GALNT13: variants seen among roughly 807,000 people sequenced by gnomAD.
GALNT13 encodes the protein polypeptide N-acetylgalactosaminyltransferase 13.
Under a neutral mutation model 64.2 loss-of-function variants are expected in GALNT13, and 28 were observed. The observed-to-expected ratio is 0.44, with a 90% CI of 0.32 to 0.60. The LOEUF (loss-of-function observed/expected upper bound fraction) is 0.60. Among genes scored for constraint, GALNT13 ranks in the 20% least tolerant of loss-of-function variants. The pLI, the probability that GALNT13 is intolerant of heterozygous loss-of-function variation, is 0.05. For missense variants in GALNT13, 577 were observed against 669.8 expected, an observed-to-expected ratio of 0.86 and a Z score of 1.53; for synonymous variants, 214 against 224.6, an observed-to-expected ratio of 0.95 and a Z score of 0.42.
the GALNT13 span, among the ~76,000 whole-genome samples, chr2:153,345,670 T>TCTTTCTTTCTTTCTTC: frequency 6.9e-6 from 1 of 143,898 alleles, no homozygotes. Context: ...TTTCTTTCTT[T>TCTTTCTTTCTTTCTTC]CTTTCTTTCT....
chr2:153,922,958 G>A (rs1241139961), intron 2 of GALNT13, among the ~76,000 whole-genome samples: 1 of 151,580 alleles, frequency 6.6e-6, no homozygotes, highest in South Asian at 2.1e-4. Context: ...GGAGTGCAGC[G>A]GTGTGATCTG....
the GALNT13 span, among the ~76,000 whole-genome samples, chr2:153,352,091 T>C: frequency 6.6e-6 from 1 of 152,160 alleles, no homozygotes; most frequent in Non-Finnish European, 1.5e-5. Context: ...GAATGAGAGT[T>C]CCTGTTGTTC....
the GALNT13 span, among the ~76,000 whole-genome samples, chr2:153,707,771 G>T: frequency 6.6e-6 from 1 of 152,148 alleles, no homozygotes; most frequent in Non-Finnish European, 1.5e-5. Flanking sequence ...ATATCCATGA[G>T]TAAAACCTGG....
intron 9 of GALNT13, among the ~76,000 whole-genome samples, chr2:154,315,374 G>A (rs76016399): frequency 0.032 from 4,817 of 152,250 alleles, 264 homozygotes; most frequent in African/African-American, 0.11. Context: ...GATCCAAGCT[G>A]GGATGAAAAG....
the GALNT13 span, among the ~76,000 whole-genome samples, chr2:153,320,775 C>T: frequency 1.3e-5 from 2 of 152,224 alleles, no homozygotes; most frequent in African/African-American, 2.4e-5. Context: ...ATAAAGTTCA[C>T]CTTAATATCT....
At chr2:154,375,745 C>G (rs907919752) in intron 9 of GALNT13, among the ~76,000 whole-genome samples, 1 of 152,140 alleles carries the variant, frequency 6.6e-6, no homozygotes, top group African/African-American at 2.4e-5. Flanking sequence ...CTGATACGCT[C>G]TTAGGAGAGG....
chr2:153,720,862 A>G, the GALNT13 span, among the ~76,000 whole-genome samples: 1 of 151,082 alleles, frequency 6.6e-6, no homozygotes, highest in Admixed American at 6.6e-5. Flanking sequence ...GATGGGGAGA[A>G]TGGAACCAAG....
intron 9 of GALNT13, among the ~76,000 whole-genome samples, chr2:154,386,894 C>A (rs1401495505): frequency 6.6e-6 from 1 of 152,052 alleles, no homozygotes; most frequent in Admixed American, 6.6e-5. Context: ...AGCCTCAAGA[C>A]CTGCTGTAAC....
chr2:153,480,696 T>C, the GALNT13 span, among the ~76,000 whole-genome samples: 1 of 152,132 alleles, frequency 6.6e-6, no homozygotes, highest in African/African-American at 2.4e-5. Context: ...TAAGGCAATA[T>C]AAAGTCATCC....
At chr2:154,037,394 G>A (rs569804483) in intron 3 of GALNT13, among the ~76,000 whole-genome samples, 4 of 152,104 alleles carry the variant, frequency 2.6e-5, no homozygotes, top group African/African-American at 4.8e-5. Flanking sequence ...GCTAACATGG[G>A]TTTCCCATAC....
At chr2:153,978,579 G>A (rs1574252624) in intron 3 of GALNT13, among the ~76,000 whole-genome samples, 1 of 152,040 alleles carries the variant, frequency 6.6e-6, no homozygotes, top group African/African-American at 2.4e-5. Flanking sequence ...GGTTTATCAG[G>A]GGTTTCTGCT....
the GALNT13 span, among the ~76,000 whole-genome samples, chr2:153,720,686 C>A: frequency 1.9e-4 from 28 of 150,898 alleles, no homozygotes; most frequent in Admixed American, 7.3e-4. Context: ...GGAGCCGATG[C>A]GATCAACTGG....
At chr2:153,719,765 C>T in the GALNT13 span, among the ~76,000 whole-genome samples, 58 of 151,794 alleles carry the variant, frequency 3.8e-4, no homozygotes, top group South Asian at 8.4e-4. Context: ...GCTTAAAAAA[C>T]GGCGCACCAC....
the GALNT13 span, among the ~76,000 whole-genome samples, chr2:153,261,725 A>G: frequency 6.8e-6 from 1 of 146,410 alleles, no homozygotes; most frequent in African/African-American, 2.5e-5. Context: ...CTCTACAATC[A>G]GTAGGCAGGC....
chr2:153,387,008 A>G, the GALNT13 span, among the ~76,000 whole-genome samples: 2 of 152,092 alleles, frequency 1.3e-5, no homozygotes, highest in African/African-American at 4.8e-5. Context: ...ATTGTTGACA[A>G]TCTACTCACA....
chr2:153,923,216 G>A (rs865849958), intron 2 of GALNT13, among the ~76,000 whole-genome samples: 1 of 152,088 alleles, frequency 6.6e-6, no homozygotes. Flanking sequence ...AGCATTTTTA[G>A]ATTAGACATT....
At chr2:153,528,226 A>G in the GALNT13 span, among the ~76,000 whole-genome samples, 1 of 152,026 alleles carries the variant, frequency 6.6e-6, no homozygotes, top group Admixed American at 6.5e-5. Context: ...AAGTAAATGG[A>G]TGGAAGAAGA....
the GALNT13 span, among the ~76,000 whole-genome samples, chr2:153,551,248 C>A: frequency 6.6e-6 from 1 of 152,154 alleles, no homozygotes; most frequent in African/African-American, 2.4e-5. Context: ...TGAGACTCTG[C>A]TGACCACACT....
the GALNT13 span, among the ~76,000 whole-genome samples, chr2:153,800,318 A>G: frequency 3.3e-5 from 5 of 152,236 alleles, no homozygotes; most frequent in Non-Finnish European, 5.9e-5. Flanking sequence ...AAAAATCCTA[A>G]TGATCATCTG....
Sources: allele counts gnomAD v4.1 joint callset (sites outside exome capture counted in the v4.1 genomes callset), GRCh38; gene constraint gnomAD v4.1.1; transcripts MANE v1.5; gene names NCBI Gene and HGNC (gene_info 2026-07-23, HGNC 2026-07-21).